NCAM1: variants seen among roughly 807,000 people sequenced by gnomAD.
The protein encoded by NCAM1 is antigen recognized by monoclonal antibody 5.1H11.
Under a neutral mutation model 109.8 loss-of-function variants are expected in NCAM1, and 14 were observed. The ratio of observed to expected loss-of-function variants is 0.13; its 90% confidence interval spans 0.08 to 0.20. NCAM1 has a LOEUF of 0.20. Ranked by LOEUF, NCAM1 falls within the 10% of genes least tolerant of loss-of-function variation. NCAM1 has a pLI of 1.00. For synonymous variants in NCAM1, 418 were observed against 442.9 expected (o/e 0.94, Z 0.70); for missense variants, 774 against 1,109.9 (o/e 0.70, Z 4.30).
chr11:113,174,547 A>G (rs940145873), intron 1 of NCAM1, among the ~76,000 whole-genome samples: 6 of 152,214 alleles, frequency 3.9e-5, no homozygotes, highest in African/African-American at 1.4e-4. Context: ...TGAACTAGTC[A>G]TTTTGCACGT....
intron 14 of NCAM1, among the ~76,000 whole-genome samples, chr11:113,245,868 A>T (rs1358095034): frequency 1.3e-5 from 2 of 152,152 alleles, no homozygotes; most frequent in East Asian, 1.9e-4. Flanking sequence ...ATTCTGTTTC[A>T]TTGCCCTTGT....
rs544840687 is a variant in NCAM1, at chr11:113,187,555, G to T, written c.53-14824G>T. Among the ~76,000 whole-genome samples the T allele has an allele frequency of 3.0e-4, 33 of 111,668 alleles. No individual in the cohort carries two copies. The East Asian group carries it at 4.1e-3, about 14-fold the overall frequency. 73.3% of individuals were successfully genotyped at this position (111,668 alleles called of 152,430 possible). On this transcript the variant is annotated intron_variant, in intron 1 of 19. Coordinates refer to ENST00000316851, the MANE Select transcript of NCAM1 (RefSeq NM_181351.5). ...ACACTGAGGATCTGTGTGTGTGTGTGTGTGTTTCTGTGTGTGTGTGTGTGT... is the reference window on the plus strand; with the variant it reads ...ACACTGAGGATCTGTGTGTGTGTGTTTGTGTTTCTGTGTGTGTGTGTGTGT...
chr11:113,234,878 C>CGACTTTCAATTCTA (rs1236518070), intron 13 of NCAM1, among the ~76,000 whole-genome samples, 155 bp from the exon 14 acceptor site: 1 of 152,174 alleles, frequency 6.6e-6, no homozygotes, highest in African/African-American at 2.4e-5. Context: ...TGTTTGGTCC[C>CGACTTTCAATTCTA]GACTTTCAAT....
chr11:113,099,796 C>T (rs559929475), intron 1 of NCAM1, among the ~76,000 whole-genome samples: 3 of 152,348 alleles, frequency 2.0e-5, no homozygotes, highest in African/African-American at 7.2e-5. Flanking sequence ...TCAAGCAATT[C>T]TCCTGCCTCA....
At position 113,106,002 on chromosome 11, in the gene NCAM1, G is replaced by A. The variant is rs200149998; in HGVS notation, c.53-96377G>A. Among the ~76,000 whole-genome samples, 24 of 151,716 alleles carry A rather than the reference G, an allele frequency of 1.6e-4. No individual in the cohort carries two copies. The East Asian group carries it at 4.7e-3, about 29-fold the overall frequency. ...ATCACCAAAAACTAATTAGTTTTTT[G>A]TATAACCAGTTACACAATTTGTGAC... On this transcript the variant is annotated intron_variant, in intron 1 of 19. Coordinates refer to ENST00000316851, the MANE Select transcript of NCAM1 (RefSeq NM_181351.5).
chr11:113,236,540 T>C (rs1403979311), intron 14 of NCAM1, among the ~76,000 whole-genome samples: 1 of 152,168 alleles, frequency 6.6e-6, no homozygotes, highest in Non-Finnish European at 1.5e-5. Flanking sequence ...GCAACTTCTG[T>C]GTCTTTGGAA....
rs1945121556 is a variant in NCAM1 at position 113,235,015 on chromosome 11, C to T, written c.1694-18C>T. ...TTTAACAATAGACTCTTTTGTCATC[C>T]TTCCCATATTATAACAGCCAGCATG... On this transcript the variant is annotated intron_variant, in intron 13 of 19. Transcript: ENST00000316851. The T allele has an allele frequency of 6.5e-7, 1 of 1,540,290 alleles. No individual in the cohort carries two copies. The highest frequency in any genetic ancestry group is 8.8e-7 in the Non-Finnish European group (1 of 1,137,866).
intron 1 of NCAM1, among the ~76,000 whole-genome samples, chr11:113,024,758 A>G (rs1952487620): frequency 6.6e-6 from 1 of 152,212 alleles, no homozygotes; most frequent in South Asian, 2.1e-4. Flanking sequence ...TTTCATGCCT[A>G]TTCAAAAGAA....
At chr11:113,151,943 G>A (rs1035490869) in intron 1 of NCAM1, among the ~76,000 whole-genome samples, 11 of 152,202 alleles carry the variant, frequency 7.2e-5, no homozygotes, top group Non-Finnish European at 1.2e-4. Flanking sequence ...CTGCAAGCTT[G>A]GGGGTGGGAG....
chr11:113,073,911 G>A (rs1170178637), intron 1 of NCAM1, among the ~76,000 whole-genome samples: 1 of 152,174 alleles, frequency 6.6e-6, no homozygotes, highest in Non-Finnish European at 1.5e-5. Flanking sequence ...TTCTTGTAAA[G>A]CATCCACATC....
At position 113,232,850 on chromosome 11, in the gene NCAM1, C is replaced by A. The variant is rs1555117565; in HGVS notation, c.1522+36C>A. The A allele has an allele frequency of 2.6e-6, 4 of 1,548,014 alleles. No individual in the cohort carries two copies. The African/African-American group carries it at 4.1e-5, about 16-fold the overall frequency. The stretch of plus-strand genomic sequence containing the variant: ...CTTACTCACCTGAGAGCAGCTGCCA[C>A]AACCCCCCACCTAACCCTGCCAGCC... On this transcript the variant is annotated intron_variant, in intron 12 of 19. Transcript: ENST00000316851.
rs567664181 is a variant in NCAM1 at position 112,994,855 on chromosome 11, A to G, written c.52+33191A>G. 8.5e-5 allele frequency among the ~76,000 whole-genome samples: 13 copies of G among 152,092 alleles called. No individual in the cohort carries two copies. In the East Asian group the frequency reaches 2.3e-3, roughly 27 times the overall value. ...GAAATCTTGTAATCTTTGTTTGTCA[A>G]TGGTTCTTCTTCCATTCTCTGCTTG... On this transcript the variant is annotated intron_variant, in intron 1 of 19. Coordinates refer to ENST00000316851, the MANE Select transcript of NCAM1 (RefSeq NM_181351.5).
intron 17 of NCAM1, among the ~76,000 whole-genome samples, chr11:113,265,880 A>G (rs1946125587): frequency 6.6e-6 from 1 of 152,212 alleles, no homozygotes; most frequent in Admixed American, 6.5e-5. Context: ...ATATTAAGGC[A>G]TACAAAAATA....
At chr11:113,016,880 T>C (rs1486280168) in intron 1 of NCAM1, among the ~76,000 whole-genome samples, 1 of 152,234 alleles carries the variant, frequency 6.6e-6, no homozygotes, top group African/African-American at 2.4e-5. Context: ...TATTTCTGCA[T>C]GCACCGGCAA....
intron 1 of NCAM1, among the ~76,000 whole-genome samples, chr11:113,061,159 C>A (rs1555083383): frequency 6.6e-6 from 1 of 152,136 alleles, no homozygotes; most frequent in African/African-American, 2.4e-5. Context: ...TAAATGAGAT[C>A]ATATACAGAA....
chr11:113,131,611 G>T (rs1201098796), intron 1 of NCAM1, among the ~76,000 whole-genome samples: 4 of 152,196 alleles, frequency 2.6e-5, no homozygotes, highest in African/African-American at 9.7e-5. Context: ...GACAGCAGGG[G>T]TTGATGTCTC....
chr11:113,164,953 C>A (rs1942736581), intron 1 of NCAM1, among the ~76,000 whole-genome samples: 1 of 152,106 alleles, frequency 6.6e-6, no homozygotes, highest in African/African-American at 2.4e-5. Context: ...CTAATTTGAA[C>A]AAAAGACTCT....
intron 14 of NCAM1, among the ~76,000 whole-genome samples, chr11:113,239,757 G>A (rs959530635): frequency 3.3e-5 from 5 of 152,150 alleles, no homozygotes; most frequent in Non-Finnish European, 7.3e-5. Context: ...GAATTAACCA[G>A]ACCATCCAAT....
chr11:113,064,866 T>C (rs543879639), intron 1 of NCAM1, among the ~76,000 whole-genome samples: 63 of 152,348 alleles, frequency 4.1e-4, no homozygotes, highest in African/African-American at 1.4e-3. Flanking sequence ...TAGATCAAGA[T>C]GGTTTCATAT....
Sources: allele counts gnomAD v4.1 joint callset (sites outside exome capture counted in the v4.1 genomes callset), GRCh38; gene constraint gnomAD v4.1.1; transcripts MANE v1.5; gene names NCBI Gene and HGNC (gene_info 2026-07-23, HGNC 2026-07-21).